DUS2: variants seen among roughly 807,000 people sequenced by gnomAD.
The protein encoded by DUS2 is tRNA-dihydrouridine(20) synthase [NAD(P)+]-like.
A neutral mutation model predicts 71.3 loss-of-function variants in DUS2; 52 were observed. The observed-to-expected ratio is 0.73, with a 90% CI of 0.58 to 0.92. The LOEUF is 0.92. Ranked by LOEUF, DUS2 falls within the 40% of genes least tolerant of loss-of-function variation. DUS2 has a pLI of 0.00. For synonymous variants in DUS2, 204 were observed against 227.8 expected (o/e 0.90, Z 0.94); for missense variants, 558 against 622.6 (o/e 0.90, Z 1.10).
intron 8 of DUS2, among the ~76,000 whole-genome samples, chr16:68,063,459 A>G (rs1002215227): frequency 6.6e-6 from 1 of 152,236 alleles, no homozygotes; most frequent in African/African-American, 2.4e-5. Context: ...TTGGAAATAC[A>G]TAACATTGGT....
rs565848411 is a variant in DUS2 at position 68,053,044 on chromosome 16, C to A, written c.173-520C>A. ...ATGGCGCGATCTCGGCTCGCTGCAA[C>A]CTCCGCCTCCCAGATTCAAGCGATT... is the stretch of plus-strand genomic sequence containing the variant. On this transcript the variant is annotated intron_variant, in intron 4 of 16. Transcript: ENST00000565263. Among the ~76,000 whole-genome samples, 3 of 150,458 alleles carry A rather than the reference C, an allele frequency of 2.0e-5. No homozygotes were observed. In the East Asian group the frequency reaches 5.9e-4, roughly 30 times the overall value.
At chr16:68,041,123 G>T (rs2033619622) in intron 3 of DUS2, among the ~76,000 whole-genome samples, 1 of 151,988 alleles carries the variant, frequency 6.6e-6, no homozygotes, top group South Asian at 2.1e-4. Context: ...CCCAGCTTCA[G>T]GCTGAGGCAG....
At position 68,072,720 on chromosome 16, in the gene DUS2, G is replaced by A. The variant is rs544748394; in HGVS notation, c.811-1314G>A. Reference sequence around the variant, plus strand: ...CAGCATAGGGGGTGGGGGATGGGAGGGTGTCCTGGAGGGCTGGGGAAGGCC... The same window carrying A: ...CAGCATAGGGGGTGGGGGATGGGAGAGTGTCCTGGAGGGCTGGGGAAGGCC... On this transcript the variant is annotated intron_variant, in intron 12 of 16. Coordinates refer to ENST00000565263, the MANE Select transcript of DUS2 (RefSeq NM_017803.5). Among the ~76,000 whole-genome samples the A allele has an allele frequency of 1.1e-4, 17 of 152,306 alleles. No individual in the cohort carries two copies. The Middle Eastern group carries it at 0.01, about 91-fold the overall frequency.
At chr16:68,036,812 C>T (rs2033537038) in intron 2 of DUS2, among the ~76,000 whole-genome samples, 1 of 152,154 alleles carries the variant, frequency 6.6e-6, no homozygotes, top group African/African-American at 2.4e-5. Context: ...TGCCTCAGGA[C>T]CTTTGCATTG....
intron 6 of DUS2, among the ~76,000 whole-genome samples, chr16:68,055,182 A>G (rs542872828): frequency 4.0e-5 from 6 of 151,814 alleles, no homozygotes; most frequent in Admixed American, 3.3e-4. Flanking sequence ...TATTCGTGAA[A>G]CTCCTTCCCA....
At chr16:68,050,144 CT>C (rs965828181) in intron 4 of DUS2, among the ~76,000 whole-genome samples, 38 of 146,554 alleles carry the variant, frequency 2.6e-4, no homozygotes, top group Non-Finnish European at 3.2e-4. Flanking sequence ...CTTGTGAAAT[CT>C]TTTTTTTTTT....
intron 8 of DUS2, 22 bp downstream of exon 8, chr16:68,061,135 G>A: frequency 1.2e-6 from 2 of 1,613,522 alleles, no homozygotes; most frequent in Non-Finnish European, 1.7e-6. Flanking sequence ...ACGAGTGAAA[G>A]CAGGGGTCCT....
At position 68,053,573 on chromosome 16, in the gene DUS2, G is replaced by A; in HGVS notation, c.182G>A (p.Ser61Asn). 6.2e-7 allele frequency: 1 copy of A among 1,614,230 alleles called. No homozygotes were observed. Among genetic ancestry groups the A allele is most frequent in the Non-Finnish European group, 8.5e-7 (1 of 1,180,034 alleles). Residue 61 changes from serine (S) to asparagine (N), a missense_variant, in exon 5 of 17, where the codon AGC (serine) becomes AAC (asparagine). Coordinates refer to ENST00000565263, the MANE Select transcript of DUS2 (RefSeq NM_017803.5). ...TTGGGTTTTCTTGCAGAGGTGCTCA[G>A]CACAGTGGACTTTGTCGCCCCTGAT... ...QCKRVVNEVL[S>N]TVDFVAPDDR...
chr16:68,054,947 G>A (rs2033831072), intron 6 of DUS2, among the ~76,000 whole-genome samples: 3 of 152,130 alleles, frequency 2.0e-5, no homozygotes, highest in Admixed American at 2.0e-4. Flanking sequence ...GGAGGCTGAG[G>A]CAGAAGAATC....
intron 3 of DUS2, among the ~76,000 whole-genome samples, chr16:68,048,285 A>G (rs376584614): frequency 1.6e-4 from 25 of 152,282 alleles, no homozygotes; most frequent in African/African-American, 5.3e-4. Context: ...TTCCTGTTCT[A>G]GTCCCTACCA....
chr16:68,035,884 TTATATATATATATATATATATATA>T lies in DUS2; in HGVS notation c.-18-2099_-18-2076del, dbSNP rs71145987. On this transcript the variant is annotated intron_variant, in intron 2 of 16. Coordinates refer to ENST00000565263, the MANE Select transcript of DUS2 (RefSeq NM_017803.5). Reference sequence around the variant, plus strand: ...TGTGTACCACCACATCCCGCTAATTTTATATATATATATATATATATATATATATATATATATATATATATACAC... The same window carrying T: ...TGTGTACCACCACATCCCGCTAATTTTATATATATATATATATATATACAC... 3.7e-3 allele frequency among the ~76,000 whole-genome samples: 422 copies of T among 113,320 alleles called. 12 individuals are homozygous for T. The highest frequency in any genetic ancestry group is 0.019 in the Middle Eastern group (4 of 210). 74.3% of individuals were successfully genotyped at this position (113,320 alleles called of 152,430 possible).
intron 7 of DUS2, among the ~76,000 whole-genome samples, chr16:68,059,600 C>T (rs544144536): frequency 3.3e-4 from 50 of 152,280 alleles, no homozygotes; most frequent in African/African-American, 1.4e-4. Flanking sequence ...TCAGCCTGGC[C>T]GAGTCTGTGG....
At chr16:68,036,179 G>A (rs1280784130) in intron 2 of DUS2, among the ~76,000 whole-genome samples, 1 of 128,636 alleles carries the variant, frequency 7.8e-6, no homozygotes, top group African/African-American at 3.0e-5. Context: ...TTTTTTTTTC[G>A]AGACAGAGTC....
intron 2 of DUS2, among the ~76,000 whole-genome samples, chr16:68,028,524 A>T (rs2033390407): frequency 6.6e-6 from 1 of 152,044 alleles, no homozygotes; most frequent in South Asian, 2.1e-4. Flanking sequence ...CTGTAATCCC[A>T]GCTACTCGAG....
Position 68,076,683 on chromosome 16 carries a change from C to G in DUS2, c.1134C>G (p.Cys378Trp). Residue 378 changes from cysteine to tryptophan, a missense_variant, in exon 15 of 17, where the codon TGC becomes TGG. Physicochemically the swap from Cys to Trp is radical, Grantham distance 215. Transcript: ENST00000565263. Reference protein sequence around the residue: ...ITPKMCLLEWCRREKLAQPVY... With the variant: ...ITPKMCLLEWWRREKLAQPVY... ...CTAAGATGTGCCTACTAGAGTGGTG[C>G]CGGAGGGAGAAGTTGGCACAGCCTG... 1 of 1,614,060 alleles carries G rather than the reference C, an allele frequency of 6.2e-7. No homozygotes were observed. Among genetic ancestry groups the G allele is most frequent in the Non-Finnish European group, 8.5e-7 (1 of 1,179,944 alleles).
At chr16:68,028,801 C>T (rs1191754799) in intron 2 of DUS2, among the ~76,000 whole-genome samples, 1 of 152,078 alleles carries the variant, frequency 6.6e-6, no homozygotes, top group African/African-American at 2.4e-5. Context: ...CCTCATATTC[C>T]ACAAGGAGAA....
intron 6 of DUS2, among the ~76,000 whole-genome samples, chr16:68,055,196 A>G (rs2033834795): frequency 6.6e-6 from 1 of 151,970 alleles, no homozygotes; most frequent in Non-Finnish European, 1.5e-5. Flanking sequence ...CTTCCCAGGG[A>G]CTCCCATGAC....
intron 4 of DUS2, among the ~76,000 whole-genome samples, chr16:68,050,642 G>A (rs1159591123): frequency 6.6e-6 from 1 of 152,030 alleles, no homozygotes; most frequent in African/African-American, 2.4e-5. Flanking sequence ...CTTCTAGGTT[G>A]AAGATAAGGA....
chr16:68,073,336 G>T (rs1381316431), intron 12 of DUS2, among the ~76,000 whole-genome samples: 1 of 152,074 alleles, frequency 6.6e-6, no homozygotes, highest in African/African-American at 2.4e-5. Flanking sequence ...GCAGTGGCAT[G>T]ATCATAGCTC....
Sources: gnomAD v4.1 joint callset for allele counts (sites outside exome capture counted in the v4.1 genomes callset) on GRCh38, gnomAD v4.1.1 for gene constraint, MANE v1.5 for transcripts, NCBI Gene and HGNC (gene_info 2026-07-23, HGNC 2026-07-21) for gene names.